Variants in ARHGAP15 observed in about 807,000 individuals in gnomAD.
ARHGAP15 encodes the protein rho GTPase-activating protein 15.
In ARHGAP15, 51 loss-of-function variants were observed where a neutral mutation model predicts 63.7. The ratio of observed to expected loss-of-function variants is 0.80; its 90% CI spans 0.64 to 1.01. ARHGAP15 has a LOEUF of 1.01. ARHGAP15 is among the 50% of genes least tolerant of loss of function. The pLI, the probability that ARHGAP15 is intolerant of heterozygous loss-of-function variation, is 0.00. For synonymous variants in ARHGAP15, 191 were observed against 193.8 expected, an observed-to-expected ratio of 0.99 and a Z score of 0.12; for missense variants, 560 against 564.6, an observed-to-expected ratio of 0.99 and a Z score of 0.08.
chr2:143,287,718 G>C (rs1323807242), intron 6 of ARHGAP15, among the ~76,000 whole-genome samples: 2 of 152,006 alleles, frequency 1.3e-5, no homozygotes, highest in African/African-American at 4.8e-5. Flanking sequence ...CAGGAGAATT[G>C]CTTGCACCCA....
chr2:143,399,594 C>T (rs567569767), intron 6 of ARHGAP15, among the ~76,000 whole-genome samples: 6 of 151,950 alleles, frequency 3.9e-5, no homozygotes, highest in Non-Finnish European at 5.9e-5. Flanking sequence ...GGTTTTCCCA[C>T]GTATTATCTC....
chr2:143,361,354 A>G (rs1574332994), intron 6 of ARHGAP15, among the ~76,000 whole-genome samples: 1 of 152,286 alleles, frequency 6.6e-6, no homozygotes, highest in African/African-American at 2.4e-5. Flanking sequence ...TATCTTAACT[A>G]TCAACATTAT....
chr2:143,527,314 C>T (rs2105005296), intron 10 of ARHGAP15, among the ~76,000 whole-genome samples: 1 of 152,146 alleles, frequency 6.6e-6, no homozygotes, highest in South Asian at 2.1e-4. Context: ...TTAAAAGACT[C>T]ATGTCTTAGA....
intron 8 of ARHGAP15, among the ~76,000 whole-genome samples, chr2:143,455,719 AT>A (rs1267227941): frequency 3.9e-5 from 6 of 152,074 alleles, no homozygotes; most frequent in Admixed American, 2.6e-4. Flanking sequence ...TCTAGCTCAT[AT>A]TGAATTTTTT....
intron 8 of ARHGAP15, among the ~76,000 whole-genome samples, chr2:143,451,934 A>G (rs1049923627): frequency 3.9e-5 from 6 of 151,988 alleles, no homozygotes; most frequent in Admixed American, 3.3e-4. Flanking sequence ...AGCTTGATTT[A>G]TCTTCCTCAC....
At chr2:143,251,624 G>A (rs1680162185) in intron 6 of ARHGAP15, among the ~76,000 whole-genome samples, 1 of 151,836 alleles carries the variant, frequency 6.6e-6, no homozygotes, top group Non-Finnish European at 1.5e-5. Flanking sequence ...TTACTTTTCT[G>A]GTTCTAGTTT....
intron 11 of ARHGAP15, among the ~76,000 whole-genome samples, chr2:143,618,992 T>G (rs1193728748): frequency 1.4e-5 from 1 of 70,806 alleles, no homozygotes; most frequent in East Asian, 5.1e-4. Flanking sequence ...CGGGCTACTT[T>G]TTGTTATTTT....
At chr2:143,690,754 G>T (rs892007216) in intron 12 of ARHGAP15, among the ~76,000 whole-genome samples, 1 of 152,086 alleles carries the variant, frequency 6.6e-6, no homozygotes, top group East Asian at 1.9e-4. Context: ...GGAGGTGTGC[G>T]AATGGTCTCA....
chr2:143,298,227 G>C (rs1558874471), intron 6 of ARHGAP15, among the ~76,000 whole-genome samples: 1 of 151,862 alleles, frequency 6.6e-6, no homozygotes, highest in South Asian at 2.1e-4. Context: ...TTGCTATAGA[G>C]ATATTAGTAC....
intron 8 of ARHGAP15, among the ~76,000 whole-genome samples, chr2:143,460,452 A>G (rs6704667): frequency 0.068 from 10,353 of 152,276 alleles, 434 homozygotes; most frequent in Middle Eastern, 0.11. Flanking sequence ...AAATATATAT[A>G]TATCTAGACA....
intron 6 of ARHGAP15, among the ~76,000 whole-genome samples, chr2:143,375,054 GGA>G (rs560498327): frequency 2.3e-4 from 35 of 152,190 alleles, no homozygotes; most frequent in Non-Finnish European, 4.1e-4. Context: ...TAGAAAGAAA[GGA>G]AATTTGGCTA....
intron 6 of ARHGAP15, among the ~76,000 whole-genome samples, chr2:143,268,083 T>C (rs1175501968): frequency 6.6e-6 from 1 of 152,128 alleles, no homozygotes; most frequent in Non-Finnish European, 1.5e-5. Flanking sequence ...TACTCTAATT[T>C]TAGCAAAAGT....
chr2:143,277,564 CTG>C (rs1220925999), intron 6 of ARHGAP15, among the ~76,000 whole-genome samples: 1 of 151,986 alleles, frequency 6.6e-6, no homozygotes, highest in Non-Finnish European at 1.5e-5. Context: ...AATCCAGAGA[CTG>C]TACTGCCCTG....
intron 8 of ARHGAP15, among the ~76,000 whole-genome samples, chr2:143,453,695 CTG>C (rs781219723): frequency 4.0e-5 from 6 of 151,408 alleles, no homozygotes; most frequent in African/African-American, 1.2e-4. Context: ...AACCATGAGT[CTG>C]TTTTCATTCA....
intron 11 of ARHGAP15, among the ~76,000 whole-genome samples, chr2:143,623,143 A>G (rs1698705495): frequency 6.6e-6 from 1 of 152,238 alleles, no homozygotes; most frequent in Non-Finnish European, 1.5e-5. Context: ...TAGAAAGACA[A>G]ATCGTCTGGC....
intron 13 of ARHGAP15, among the ~76,000 whole-genome samples, chr2:143,726,725 A>G (rs1685296498): frequency 6.6e-6 from 1 of 152,202 alleles, no homozygotes; most frequent in Admixed American, 6.5e-5. Flanking sequence ...TTCACATGTA[A>G]CGTACTTCTG....
intron 12 of ARHGAP15, among the ~76,000 whole-genome samples, chr2:143,636,624 A>G (rs559078728): frequency 5.6e-4 from 85 of 152,274 alleles, no homozygotes; most frequent in African/African-American, 2.0e-3. Flanking sequence ...TTCCAGCAGG[A>G]TCTTTTTCTA....
rs562543944 is a variant in ARHGAP15 at position 143,510,495 on chromosome 2, G to A, written c.827-8771G>A. ...CAGCTACCAGAGTTAGAAGACAGTCGCTTTTTCTCCTTCTTCCAATTTCAT... is the reference window on the plus strand; with the variant it reads ...CAGCTACCAGAGTTAGAAGACAGTCACTTTTTCTCCTTCTTCCAATTTCAT... On this transcript the variant is annotated intron_variant, in intron 9 of 13. Coordinates refer to ENST00000295095, the MANE Select transcript of ARHGAP15 (RefSeq NM_018460.4). Among the ~76,000 whole-genome samples, 16 of 152,248 alleles carry A rather than the reference G, an allele frequency of 1.1e-4. No homozygotes were observed. In the East Asian group the frequency reaches 2.3e-3, roughly 22 times the overall value.
intron 6 of ARHGAP15, among the ~76,000 whole-genome samples, chr2:143,371,557 T>A (rs534032010): frequency 6.6e-6 from 1 of 152,304 alleles, no homozygotes; most frequent in South Asian, 2.1e-4. Flanking sequence ...TCAGATTATA[T>A]ACATACAGAT....
Sources: allele counts gnomAD v4.1 joint callset (sites outside exome capture counted in the v4.1 genomes callset), GRCh38; gene constraint gnomAD v4.1.1; transcripts MANE v1.5; gene names NCBI Gene and HGNC (gene_info 2026-07-23, HGNC 2026-07-21).